SEC24B: variants seen among roughly 807,000 people sequenced by gnomAD.
SEC24B encodes the protein SEC24 homolog B, COPII component, also known as protein transport protein Sec24B.
A neutral mutation model predicts 142.8 loss-of-function variants in SEC24B; 45 were observed. That is an observed-to-expected ratio of 0.32 (90% CI 0.25 to 0.40). The LOEUF (loss-of-function observed/expected upper bound fraction) is 0.40. Ranked by LOEUF, SEC24B falls within the 10% of genes least tolerant of loss-of-function variation. The probability of loss-of-function intolerance (pLI) is 1.00; values close to 1 mark genes in which losing one functional copy is unlikely to be tolerated. For synonymous variants in SEC24B, 574 were observed against 568.2 expected (o/e 1.01, Z -0.15); for missense variants, 1,409 against 1,526.8 (o/e 0.92, Z 1.29).
chr4:109,524,353 G>A (rs1723988752), intron 14 of SEC24B, among the ~76,000 whole-genome samples: 1 of 152,090 alleles, frequency 6.6e-6, no homozygotes, highest in African/African-American at 2.4e-5. Flanking sequence ...TCTCTCCAGT[G>A]TCACCTTCTC....
intron 2 of SEC24B, among the ~76,000 whole-genome samples, chr4:109,466,690 G>A (rs377269333): frequency 1.2e-4 from 19 of 152,256 alleles, no homozygotes; most frequent in East Asian, 1.2e-3. Flanking sequence ...GATTACAGGC[G>A]TGAGCCACTG....
intron 6 of SEC24B, among the ~76,000 whole-genome samples, chr4:109,500,929 G>A (rs1025112775): frequency 2.0e-5 from 3 of 152,134 alleles, no homozygotes; most frequent in Non-Finnish European, 2.9e-5. Context: ...AAAGTGCTGG[G>A]ATTACAGATG....
intron 1 of SEC24B, among the ~76,000 whole-genome samples, chr4:109,462,225 C>T (rs1252775497): frequency 6.6e-6 from 1 of 152,204 alleles, no homozygotes; most frequent in East Asian, 1.9e-4. Flanking sequence ...AAAGTTTAAA[C>T]TTCTTCCAGG....
rs1337235083 is a variant in SEC24B at position 109,433,970 on chromosome 4, C to G, written c.101C>G (p.Pro34Arg). The change falls in exon 1 of 24, where the codon CCG becomes CGG. Residue 34 changes from proline (P) to arginine (R), a missense_variant. Coordinates refer to ENST00000265175, the MANE Select transcript of SEC24B (RefSeq NM_006323.5). ...AVSGAAAPAG[P>R]GAGPAPHQQN... Reference sequence around the variant, plus strand: ...TCAGGAGCCGCAGCGCCCGCGGGCCCGGGTGCGGGCCCGGCGCCGCACCAG... The same window carrying G: ...TCAGGAGCCGCAGCGCCCGCGGGCCGGGGTGCGGGCCCGGCGCCGCACCAG... 4.1e-6 allele frequency: 5 copies of G among 1,222,812 alleles called. No individual in the cohort carries two copies. The highest frequency in any genetic ancestry group is 5.1e-6 in the Non-Finnish European group (5 of 983,488). The allele number at this position is 1,222,812 out of a possible 1,614,324, so 75.7% of individuals were successfully genotyped here.
chr4:109,512,624 A>T (rs1187901433), intron 9 of SEC24B, among the ~76,000 whole-genome samples: 2 of 151,518 alleles, frequency 1.3e-5, no homozygotes, highest in African/African-American at 4.8e-5. Flanking sequence ...ATTTCAGAAC[A>T]TAAGTTTTTT....
Position 109,531,637 on chromosome 4 carries a change from C to T in SEC24B, c.3390+115C>T, listed in dbSNP as rs1724942222. ...GTTTTTCTTTTTAACTCTTTTTCCCCCTTGTGGTAGTAATACATTAAATAA... is the reference window on the plus strand; with the variant it reads ...GTTTTTCTTTTTAACTCTTTTTCCCTCTTGTGGTAGTAATACATTAAATAA... On this transcript the variant is annotated intron_variant, in intron 20 of 23. Coordinates refer to ENST00000265175, the MANE Select transcript of SEC24B (RefSeq NM_006323.5). 5.5e-6 allele frequency: 4 copies of T among 726,572 alleles called. No individual in the cohort carries two copies. In the South Asian group the frequency reaches 8.4e-5, roughly 15 times the overall value. 45.0% of individuals were successfully genotyped at this position (726,572 alleles called of 1,614,324 possible). A position where few individuals can be genotyped will look rare whatever the true frequency, so the allele number is the denominator to read the frequency against.
At chr4:109,530,257 T>C (rs1724751010) in intron 18 of SEC24B, 32 bp from the exon 19 acceptor site, 1 of 1,595,264 alleles carries the variant, frequency 6.3e-7, no homozygotes, top group East Asian at 2.2e-5. Flanking sequence ...ATTCTAATGG[T>C]TAAAATACCT....
chr4:109,469,427 T>A (rs190380155), intron 2 of SEC24B, among the ~76,000 whole-genome samples: 3 of 152,306 alleles, frequency 2.0e-5, no homozygotes, highest in East Asian at 3.9e-4. Context: ...CCTCATAAAG[T>A]TTGCAATTCA....
chr4:109,519,821 T>G (rs1013290270), intron 11 of SEC24B, among the ~76,000 whole-genome samples: 1 of 152,238 alleles, frequency 6.6e-6, no homozygotes, highest in Non-Finnish European at 1.5e-5. Context: ...AAAGATATTT[T>G]AAAGGCATTG....
intron 1 of SEC24B, among the ~76,000 whole-genome samples, chr4:109,443,963 C>T (rs1729181612): frequency 6.6e-6 from 1 of 152,016 alleles, no homozygotes; most frequent in South Asian, 2.1e-4. Context: ...TGGCTCATGC[C>T]TGTAATCCCA....
chr4:109,453,045 A>G (rs1174447367), intron 1 of SEC24B, among the ~76,000 whole-genome samples: 1 of 152,162 alleles, frequency 6.6e-6, no homozygotes, highest in Non-Finnish European at 1.5e-5. Flanking sequence ...GGGAGACATC[A>G]CATGTCGGCA....
chr4:109,509,960 A>T, intron 7 of SEC24B, 49 bp from the exon 8 acceptor site: 2 of 1,179,578 alleles, frequency 1.7e-6, no homozygotes, highest in Non-Finnish European at 2.4e-6. Context: ...ACTTCAGTGT[A>T]TTTTTCTCTG....
chr4:109,513,194 C>T (rs1370773313), intron 9 of SEC24B, among the ~76,000 whole-genome samples: 8 of 151,352 alleles, frequency 5.3e-5, no homozygotes, highest in Admixed American at 2.6e-4. Flanking sequence ...AGGCTGGTCT[C>T]GAACTCCTGA....
rs914212780 is a variant in SEC24B, at chr4:109,536,330, A to C, written c.3589-2163A>C. ...AATTAATGAAAAATACAGTGTGGTAAAGATTGCATTTCAAATTACTGTGGG... is the reference window on the plus strand; with the variant it reads ...AATTAATGAAAAATACAGTGTGGTACAGATTGCATTTCAAATTACTGTGGG... On this transcript the variant is annotated intron_variant, in intron 22 of 23. Coordinates refer to ENST00000265175, the MANE Select transcript of SEC24B (RefSeq NM_006323.5). 7.9e-5 allele frequency among the ~76,000 whole-genome samples: 12 copies of C among 152,214 alleles called. 1 individual carries two copies. Among genetic ancestry groups the C allele is most frequent in the Non-Finnish European group, 1.8e-4 (12 of 68,038 alleles).
chr4:109,530,584 T>C (rs1007918653), intron 19 of SEC24B, 120 bp downstream of exon 19: 5 of 829,914 alleles, frequency 6.0e-6, no homozygotes, highest in African/African-American at 3.4e-5. Context: ...CACTTTAGCA[T>C]TGAAAGAGTT....
At chr4:109,483,204 C>T (rs1041002076) in intron 4 of SEC24B, among the ~76,000 whole-genome samples, 13 of 150,558 alleles carry the variant, frequency 8.6e-5, no homozygotes, top group African/African-American at 2.4e-4. Flanking sequence ...CTTAGCCTCC[C>T]GAGTAGCTGG....
rs1733762200 is a variant in SEC24B at position 109,481,746 on chromosome 4, A to G, written c.1130A>G (p.Asp377Gly). 2 of 1,613,818 alleles carry G rather than the reference A, an allele frequency of 1.2e-6. No homozygotes were observed. Among genetic ancestry groups the G allele is most frequent in the South Asian group, 1.1e-5 (1 of 91,066 alleles). ...SAPTPLSSTSDDEEEEEEDEE... is the reference protein window; with the variant it reads ...SAPTPLSSTSGDEEEEEEDEE... Reference sequence around the variant, plus strand: ...CCAACTCCCTTGTCATCAACTTCCGATGATGAGGAAGAGGAGGAGGAGGAT... The same window carrying G: ...CCAACTCCCTTGTCATCAACTTCCGGTGATGAGGAAGAGGAGGAGGAGGAT... The change falls in exon 4 of 24, where the codon GAT (aspartate) becomes GGT (glycine). Residue 377 changes from aspartate to glycine, a missense_variant. Coordinates refer to ENST00000265175, the MANE Select transcript of SEC24B (RefSeq NM_006323.5).
At position 109,521,050 on chromosome 4, in the gene SEC24B, A is replaced by G. The variant is rs1037486386; in HGVS notation, c.2246-67A>G. 1.1e-5 allele frequency: 12 copies of G among 1,051,292 alleles called. No homozygotes were observed. The African/African-American group carries it at 1.9e-4, about 17-fold the overall frequency. 65.1% of individuals were successfully genotyped at this position (1,051,292 alleles called of 1,614,324 possible). A position where few individuals can be genotyped will look rare whatever the true frequency, so the allele number is the denominator to read the frequency against. On this transcript the variant is annotated intron_variant, in intron 12 of 23. Coordinates refer to ENST00000265175, the MANE Select transcript of SEC24B (RefSeq NM_006323.5). ...TACACATTACATGTATGACCTGATA[A>G]AAACTAAGATTTTCTAATGTATTCT...
At chr4:109,495,192 TA>T (rs978731761) in intron 6 of SEC24B, among the ~76,000 whole-genome samples, 6 of 152,200 alleles carry the variant, frequency 3.9e-5, no homozygotes, top group Non-Finnish European at 8.8e-5. Context: ...GTTAAGTTTT[TA>T]AAAAAATTTT....
Sources: gnomAD v4.1 joint callset for allele counts (sites outside exome capture counted in the v4.1 genomes callset) on GRCh38, gnomAD v4.1.1 for gene constraint, MANE v1.5 for transcripts, NCBI Gene and HGNC (gene_info 2026-07-23, HGNC 2026-07-21) for gene names.